TOX: variants seen among roughly 807,000 people sequenced by gnomAD.
TOX encodes the protein thymocyte selection associated high mobility group box, also known as thymocyte selection-associated high mobility group box protein TOX.
Under a neutral mutation model 53.7 loss-of-function variants are expected in TOX, and 11 were observed. The observed-to-expected ratio is 0.20, with a 90% CI of 0.13 to 0.34. The LOEUF (loss-of-function observed/expected upper bound fraction) is 0.34. Ranked by LOEUF, TOX falls within the 10% of genes least tolerant of loss-of-function variation. The pLI, the probability that TOX is intolerant of heterozygous loss-of-function variation, is 1.00. For missense variants in TOX, 570 were observed against 664.6 expected (o/e 0.86, Z 1.56); for synonymous variants, 225 against 245.3 (o/e 0.92, Z 0.77).
At chr8:58,905,088 A>C (rs928973914) in intron 3 of TOX, among the ~76,000 whole-genome samples, 4 of 152,010 alleles carry the variant, frequency 2.6e-5, no homozygotes, top group African/African-American at 9.7e-5. Context: ...GCGCGCCACC[A>C]CGCCCAGCTA....
At chr8:58,966,897 T>TG (rs1812912671) in intron 1 of TOX, among the ~76,000 whole-genome samples, 4 of 144,182 alleles carry the variant, frequency 2.8e-5, no homozygotes, top group Admixed American at 7.0e-5. Context: ...TTTTTTTAGA[T>TG]GGAGTCTTGC....
chr8:58,999,682 C>T (rs147317916), intron 1 of TOX, among the ~76,000 whole-genome samples: 2,556 of 152,276 alleles, frequency 0.017, 39 homozygotes, highest in Middle Eastern at 0.085. Flanking sequence ...GTGACAAAGA[C>T]AGGCAGAGCA....
intron 1 of TOX, among the ~76,000 whole-genome samples, chr8:59,104,490 T>C (rs1804861890): frequency 6.6e-6 from 1 of 152,212 alleles, no homozygotes; most frequent in Non-Finnish European, 1.5e-5. Context: ...TTATTACACA[T>C]GACTAATTAG....
chr8:58,836,892 A>G (rs1810555232), intron 5 of TOX, among the ~76,000 whole-genome samples: 1 of 152,246 alleles, frequency 6.6e-6, no homozygotes, highest in Non-Finnish European at 1.5e-5. Flanking sequence ...TGCCTGGCAC[A>G]TAAGTGCTCA....
chr8:58,938,562 C>A (rs1466127617), intron 3 of TOX, among the ~76,000 whole-genome samples: 1 of 151,998 alleles, frequency 6.6e-6, no homozygotes, highest in South Asian at 2.1e-4. Flanking sequence ...TTTCAGATGA[C>A]ATAAAAATCA....
At chr8:58,843,571 T>C (rs539051383) in intron 4 of TOX, among the ~76,000 whole-genome samples, 1 of 152,342 alleles carries the variant, frequency 6.6e-6, no homozygotes, top group African/African-American at 2.4e-5. Flanking sequence ...ATAATATCTT[T>C]GCTCTTTATA....
At chr8:59,108,440 C>T (rs1025807689) in intron 1 of TOX, among the ~76,000 whole-genome samples, 1 of 152,104 alleles carries the variant, frequency 6.6e-6, no homozygotes, top group Non-Finnish European at 1.5e-5. Flanking sequence ...ACTGGAGCCA[C>T]GGACTTCATA....
chr8:58,993,161 G>T (rs535768989), intron 1 of TOX, among the ~76,000 whole-genome samples: 1 of 152,280 alleles, frequency 6.6e-6, no homozygotes, highest in South Asian at 2.1e-4. Flanking sequence ...GGGATGGACA[G>T]AACAGTGAAG....
chr8:58,979,610 C>T (rs909081155), intron 1 of TOX, among the ~76,000 whole-genome samples: 1 of 152,178 alleles, frequency 6.6e-6, no homozygotes, highest in African/African-American at 2.4e-5. Context: ...TTTTTGCATT[C>T]AAGCTATATT....
At chr8:58,892,335 TCATGTAGGGA>T (rs1811572613) in intron 3 of TOX, among the ~76,000 whole-genome samples, 1 of 152,140 alleles carries the variant, frequency 6.6e-6, no homozygotes, top group Non-Finnish European at 1.5e-5. Context: ...GCCAAATCAT[TCATGTAGGGA>T]CATTTTTTTC....
At position 58,815,537 on chromosome 8, in the gene TOX, G is replaced by C; in HGVS notation, c.1193C>G (p.Pro398Arg). 1 of 1,614,126 alleles carries C rather than the reference G, an allele frequency of 6.2e-7. No homozygotes were observed. Among genetic ancestry groups the C allele is most frequent in the East Asian group, 2.2e-5 (1 of 44,866 alleles). Residue 398 changes from proline to arginine, a missense_variant, in exon 7 of 9, where the codon CCC (proline) becomes CGC (arginine). Pro to Arg is a moderately radical substitution (Grantham distance 103, BLOSUM62 -2). Around this residue, in one of 3 missense-constraint regions of TOX, gnomAD observed 239 missense variants for 250.7 expected, o/e 0.95. Transcript: ENST00000361421. ...MHPSLPRNIAPKPNNQMPVTV... is the reference protein window; with the variant it reads ...MHPSLPRNIARKPNNQMPVTV... ...CACTGGCATTTGGTTATTCGGCTTG[G>C]GGGCTATGTTCCTGGGGAGACTAGG...
chr8:59,073,723 C>A (rs906364786), intron 1 of TOX, among the ~76,000 whole-genome samples: 1 of 152,052 alleles, frequency 6.6e-6, no homozygotes, highest in Non-Finnish European at 1.5e-5. Flanking sequence ...GCCTTCCCTC[C>A]AACAGATTTG....
In TOX at chr8:58,933,429, C is replaced by T. The variant is rs529672093; in HGVS notation, c.411+5873G>A. ...TTCTACCTTTCTGCTAAAATAGTTC[C>T]GTAGTTTCCTTTTAACAACATGAAA... is the stretch of plus-strand genomic sequence containing the variant. On this transcript the variant is annotated intron_variant, in intron 3 of 8. Coordinates refer to ENST00000361421, the MANE Select transcript of TOX (RefSeq NM_014729.3). Among the ~76,000 whole-genome samples the T allele has an allele frequency of 4.6e-5, 7 of 152,156 alleles. No individual in the cohort carries two copies. In the South Asian group the frequency reaches 8.3e-4, roughly 18 times the overall value.
chr8:59,046,208 A>T (rs1196930389), intron 1 of TOX, among the ~76,000 whole-genome samples: 1 of 152,236 alleles, frequency 6.6e-6, no homozygotes, highest in Non-Finnish European at 1.5e-5. Flanking sequence ...TTCCATATTT[A>T]TGGAGAGCCT....
intron 3 of TOX, among the ~76,000 whole-genome samples, chr8:58,883,727 T>G (rs1443392977): frequency 6.6e-6 from 1 of 150,962 alleles, no homozygotes; most frequent in Non-Finnish European, 1.5e-5. Flanking sequence ...ATTCGTATGT[T>G]TTTTTTTTAT....
intron 1 of TOX, among the ~76,000 whole-genome samples, chr8:59,045,929 G>T (rs1256179132): frequency 6.6e-6 from 1 of 152,148 alleles, no homozygotes; most frequent in Non-Finnish European, 1.5e-5. Context: ...GTGAAACAAG[G>T]CTCCAGCTGT....
At chr8:58,869,225 C>CAAA (rs59540993) in intron 3 of TOX, among the ~76,000 whole-genome samples, 19,248 of 90,440 alleles carry the variant, frequency 0.21, 1,887 homozygotes, top group African/African-American at 0.26. Context: ...GACTGCGTCT[C>CAAA]AAAAAAAAAA....
intron 1 of TOX, among the ~76,000 whole-genome samples, chr8:59,010,513 C>T (rs900131027): frequency 1.8e-4 from 27 of 152,130 alleles, no homozygotes; most frequent in African/African-American, 5.8e-4. Context: ...CTCTGCCTGC[C>T]GTAATCATGC....
At chr8:58,948,500 C>T (rs924037718) in intron 2 of TOX, among the ~76,000 whole-genome samples, 4 of 152,026 alleles carry the variant, frequency 2.6e-5, no homozygotes, top group African/African-American at 9.7e-5. Flanking sequence ...AAAAAAATCC[C>T]CAAGCTTTTG....
Sources: gnomAD v4.1 joint callset for allele counts (sites outside exome capture counted in the v4.1 genomes callset) on GRCh38, gnomAD v4.1.1 for gene constraint, gnomAD v4.1.1 regional missense constraint, MANE v1.5 for transcripts, NCBI Gene and HGNC (gene_info 2026-07-23, HGNC 2026-07-21) for gene names.